NPNT: variants seen among roughly 807,000 people sequenced by gnomAD.
NPNT encodes the protein preosteoblast EGF-like repeat protein with MAM domain.
NPNT carries 45 observed loss-of-function variants against 68.6 expected under a neutral mutation model. That is an observed-to-expected ratio of 0.66 (90% CI 0.52 to 0.84). The LOEUF is 0.84. NPNT is among the 40% of genes least tolerant of loss of function. The probability of loss-of-function intolerance (pLI) is 0.00; values close to 1 mark genes in which losing one functional copy is unlikely to be tolerated. For synonymous variants in NPNT, 233 were observed against 253.3 expected (o/e 0.92, Z 0.76); for missense variants, 672 against 714.8 (o/e 0.94, Z 0.68).
At chr4:105,924,101 A>G (rs28588830) in intron 2 of NPNT, among the ~76,000 whole-genome samples, 10,521 of 146,210 alleles carry the variant, frequency 0.072, 411 homozygotes, top group African/African-American at 0.092. Flanking sequence ...CACTGCTCTT[A>G]CCTCTAACAC....
At chr4:105,918,717 A>G (rs1257366344) in intron 2 of NPNT, among the ~76,000 whole-genome samples, 1 of 152,064 alleles carries the variant, frequency 6.6e-6, no homozygotes, top group Non-Finnish European at 1.5e-5. Flanking sequence ...TCTCCTATTC[A>G]TTTTTATATC....
intron 8 of NPNT, among the ~76,000 whole-genome samples, chr4:105,956,745 G>A (rs1246583926): frequency 1.3e-5 from 2 of 152,130 alleles, no homozygotes; most frequent in Non-Finnish European, 2.9e-5. Context: ...TGTCATTGCT[G>A]TCAGTCAGCT....
At position 105,940,590 on chromosome 4, in the gene NPNT, G is replaced by C; in HGVS notation, c.717G>C (p.Lys239Asn). ...ARCYNIRGSY[K>N]CKCKEGYQGD... Reference sequence around the variant, plus strand: ...GTTATAACATACGTGGGTCCTACAAGTGCAAATGTAAAGAAGGATACCAGG... The same window carrying C: ...GTTATAACATACGTGGGTCCTACAACTGCAAATGTAAAGAAGGATACCAGG... Residue 239 changes from lysine to asparagine, a missense_variant, in exon 7 of 12, where the codon AAG becomes AAC. By Grantham distance (94) the Lys-to-Asn change is moderately conservative. Transcript: ENST00000379987. The C allele has an allele frequency of 6.2e-7, 1 of 1,613,450 alleles. No individual in the cohort carries two copies. Among genetic ancestry groups the C allele is most frequent in the Non-Finnish European group, 8.5e-7 (1 of 1,179,480 alleles).
At chr4:105,962,634 C>A (rs1032430648) in intron 10 of NPNT, among the ~76,000 whole-genome samples, 14 of 151,618 alleles carry the variant, frequency 9.2e-5, no homozygotes, top group African/African-American at 3.2e-4. Context: ...TGGAAATAGT[C>A]CCAAGAAATT....
chr4:105,907,895 TA>T (rs1473768606), intron 2 of NPNT, among the ~76,000 whole-genome samples: 2 of 152,146 alleles, frequency 1.3e-5, no homozygotes, highest in Non-Finnish European at 2.9e-5. Flanking sequence ...AAATTTCTAA[TA>T]AAGCCAGAAT....
intron 6 of NPNT, 91 bp downstream of exon 6, chr4:105,940,300 G>C: frequency 7.4e-7 from 1 of 1,346,814 alleles, no homozygotes. Flanking sequence ...GTCAGGGGCA[G>C]GGGAGAGTAC....
Position 105,970,668 on chromosome 4 carries a change from C to G in NPNT, c.*1678C>G. On this transcript the variant is annotated 3_prime_UTR_variant, in exon 12 of 12. Transcript: ENST00000379987. Reference sequence around the variant, plus strand: ...AAAAGAAGTGTGAAAATCTCAGTATCTCTCTCTCTTTCTAAAAAATTAGAT... The same window carrying G: ...AAAAGAAGTGTGAAAATCTCAGTATGTCTCTCTCTTTCTAAAAAATTAGAT... The G allele has an allele frequency of 1.8e-6, 1 of 550,630 alleles. No homozygotes were observed. The highest frequency in any genetic ancestry group is 1.8e-5 in the South Asian group (1 of 57,126). 34.1% of individuals were successfully genotyped at this position (550,630 alleles called of 1,614,324 possible).
intron 3 of NPNT, among the ~76,000 whole-genome samples, chr4:105,930,292 C>T (rs983257832): frequency 2.0e-5 from 3 of 152,266 alleles, no homozygotes; most frequent in Non-Finnish European, 4.4e-5. Context: ...AAATAAATGA[C>T]AGTTTCATCT....
At chr4:105,939,872 A>G (rs1170933404) in intron 5 of NPNT, among the ~76,000 whole-genome samples, 4 of 152,208 alleles carry the variant, frequency 2.6e-5, no homozygotes, top group Admixed American at 1.3e-4. Context: ...AGAGTGCAAG[A>G]AAATAATAAC....
chr4:105,962,453 A>G (rs1174436142), intron 10 of NPNT, among the ~76,000 whole-genome samples: 1 of 152,174 alleles, frequency 6.6e-6, no homozygotes, highest in Non-Finnish European at 1.5e-5. Context: ...ATTTTGGCTC[A>G]CTGTCATCTA....
At chr4:105,966,005 C>T (rs573173772) in intron 10 of NPNT, among the ~76,000 whole-genome samples, 2 of 110,046 alleles carry the variant, frequency 1.8e-5, no homozygotes, top group Admixed American at 9.2e-5. Context: ...AGAGCTCCGA[C>T]GGGACTTGTT....
intron 8 of NPNT, among the ~76,000 whole-genome samples, chr4:105,950,527 A>G (rs1041552902): frequency 3.9e-5 from 6 of 152,066 alleles, no homozygotes; most frequent in African/African-American, 1.4e-4. Flanking sequence ...ATCTTGGCTC[A>G]CTGCAACCTA....
intron 3 of NPNT, among the ~76,000 whole-genome samples, chr4:105,933,951 A>G (rs4443288): frequency 0.87 from 132,108 of 152,188 alleles, 57,944 homozygotes; most frequent in East Asian, 1. Flanking sequence ...ATCCTTTAGT[A>G]TAAGATAAGC....
intron 3 of NPNT, among the ~76,000 whole-genome samples, chr4:105,935,629 A>C (rs1729435516): frequency 6.6e-6 from 1 of 152,192 alleles, no homozygotes; most frequent in Non-Finnish European, 1.5e-5. Context: ...AAGAGACAAT[A>C]AAGTAGAAAA....
At position 105,958,573 on chromosome 4, in the gene NPNT, T is replaced by C; in HGVS notation, c.1246+16T>C. On this transcript the variant is annotated intron_variant, in intron 9 of 11. Transcript: ENST00000379987. Reference sequence around the variant, plus strand: ...GATGATCCAGGTGACACTTACACTCTTAGTGCCATCATAATGACATTTTAT... The same window carrying C: ...GATGATCCAGGTGACACTTACACTCCTAGTGCCATCATAATGACATTTTAT... The C allele has an allele frequency of 7.4e-7, 1 of 1,359,254 alleles. No individual in the cohort carries two copies. Among genetic ancestry groups the C allele is most frequent in the Non-Finnish European group, 1.0e-6 (1 of 963,364 alleles). The allele number at this position is 1,359,254 out of a possible 1,614,324, so 84.2% of individuals were successfully genotyped here. A position where few individuals can be genotyped will look rare whatever the true frequency, so the allele number is the denominator to read the frequency against.
chr4:105,920,380 C>A (rs1246516105), intron 2 of NPNT, among the ~76,000 whole-genome samples: 1 of 118,556 alleles, frequency 8.4e-6, no homozygotes, highest in Admixed American at 9.7e-5. Context: ...GTGGGCATTG[C>A]TACTGTTACT....
rs763071372 is a variant in NPNT at position 105,940,224 on chromosome 4, C to T, written c.640+15C>T. 4 of 1,611,218 alleles carry T rather than the reference C, an allele frequency of 2.5e-6. No individual in the cohort carries two copies. In the African/African-American group the frequency reaches 5.3e-5, roughly 22 times the overall value. On this transcript the variant is annotated intron_variant, in intron 6 of 11. Coordinates refer to ENST00000379987, the MANE Select transcript of NPNT (RefSeq NM_001033047.3). ...TCAATGTCATGGTAATGAAACCCAACCATTGCTTTGTGTTGTTTCTTCCTA... is the reference window on the plus strand; with the variant it reads ...TCAATGTCATGGTAATGAAACCCAATCATTGCTTTGTGTTGTTTCTTCCTA...
chr4:105,907,559 C>T (rs1020264467), intron 2 of NPNT, among the ~76,000 whole-genome samples: 3 of 152,020 alleles, frequency 2.0e-5, no homozygotes, highest in African/African-American at 4.8e-5. Context: ...AATGATCAGT[C>T]CTCAAAGATA....
chr4:105,967,478 ACGTTTTC>A (rs755210977), intron 11 of NPNT, 34 bp downstream of exon 11: 143 of 1,508,084 alleles, frequency 9.5e-5, no homozygotes, highest in Non-Finnish European at 1.2e-4. Flanking sequence ...AGGACCTGGG[ACGTTTTC>A]CTTTCATAGG....
Sources: allele counts gnomAD v4.1 joint callset (sites outside exome capture counted in the v4.1 genomes callset), GRCh38; gene constraint gnomAD v4.1.1; transcripts MANE v1.5; gene names NCBI Gene and HGNC (gene_info 2026-07-23, HGNC 2026-07-21).